The following MNAT1 variants were observed in gnomAD, a reference collection of about 807,000 sequenced individuals.
MNAT1 encodes MNAT1 component of CDK activating kinase.
MNAT1 carries 43 observed loss-of-function variants against 42.0 expected under a neutral mutation model. That is an observed-to-expected ratio of 1.02 (90% CI 0.80 to 1.32). The LOEUF (loss-of-function observed/expected upper bound fraction) is 1.32. MNAT1 is among the 40% of genes most tolerant of loss of function. The pLI, the probability that MNAT1 is intolerant of heterozygous loss-of-function variation, is 0.00. For synonymous variants in MNAT1, 118 were observed against 120.0 expected, an observed-to-expected ratio of 0.98 and a Z score of 0.11; for missense variants, 306 against 350.4, an observed-to-expected ratio of 0.87 and a Z score of 1.01.
intron 1 of MNAT1, among the ~76,000 whole-genome samples, chr14:60,735,635 A>T (rs981108340): frequency 1.3e-5 from 2 of 152,238 alleles, no homozygotes; most frequent in Non-Finnish European, 2.9e-5. Context: ...GGAAATCGAG[A>T]CTGCTCAAGG....
chr14:60,775,669 CAG>C (rs933359605), intron 1 of MNAT1, among the ~76,000 whole-genome samples: 2 of 152,008 alleles, frequency 1.3e-5, no homozygotes, highest in Non-Finnish European at 2.9e-5. Context: ...TAGATAACAA[CAG>C]AGATATTTTT....
At chr14:60,938,065 C>T (rs937584956) in intron 7 of MNAT1, among the ~76,000 whole-genome samples, 3 of 152,128 alleles carry the variant, frequency 2.0e-5, no homozygotes, top group Non-Finnish European at 4.4e-5. Flanking sequence ...GTGATTTTTG[C>T]ACATTGATTT....
chr14:60,916,749 C>G (rs2035523921), intron 7 of MNAT1, among the ~76,000 whole-genome samples: 2 of 152,108 alleles, frequency 1.3e-5, no homozygotes, highest in East Asian at 1.9e-4. Flanking sequence ...CTCAGGAGTT[C>G]CAGATCAGAC....
At chr14:60,933,041 C>T (rs2035920238) in intron 7 of MNAT1, among the ~76,000 whole-genome samples, 1 of 151,902 alleles carries the variant, frequency 6.6e-6, no homozygotes, top group Non-Finnish European at 1.5e-5. Flanking sequence ...AGGTAACCTA[C>T]CTAACATTCT....
intron 6 of MNAT1, among the ~76,000 whole-genome samples, chr14:60,875,832 T>C (rs2034425240): frequency 6.6e-6 from 1 of 152,110 alleles, no homozygotes; most frequent in Admixed American, 6.6e-5. Flanking sequence ...TTGTCTTCCT[T>C]AAGTATTATC....
At chr14:60,854,143 C>T (rs1380450176) in intron 6 of MNAT1, among the ~76,000 whole-genome samples, 1 of 152,182 alleles carries the variant, frequency 6.6e-6, no homozygotes, top group Non-Finnish European at 1.5e-5. Context: ...TGTTTTTCAG[C>T]TCCATCATGT....
At chr14:60,845,194 A>G (rs2033651995) in intron 6 of MNAT1, among the ~76,000 whole-genome samples, 2 of 151,762 alleles carry the variant, frequency 1.3e-5, no homozygotes, top group Admixed American at 1.3e-4. Context: ...GTATGAAATT[A>G]ATGTTTTTTT....
intron 3 of MNAT1, among the ~76,000 whole-genome samples, chr14:60,805,389 A>G (rs890987149): frequency 1.3e-4 from 20 of 152,194 alleles, no homozygotes; most frequent in Admixed American, 1.2e-3. Context: ...GTTACAATCA[A>G]TGAACCTACA....
intron 7 of MNAT1, among the ~76,000 whole-genome samples, chr14:60,967,034 C>T (rs1461479303): frequency 1.3e-5 from 2 of 151,994 alleles, no homozygotes; most frequent in African/African-American, 4.8e-5. Context: ...TCCGCTTTCC[C>T]CTTTCGCCCT....
intron 6 of MNAT1, among the ~76,000 whole-genome samples, chr14:60,830,121 A>G (rs1021606316): frequency 2.6e-5 from 4 of 152,200 alleles, no homozygotes; most frequent in Non-Finnish European, 1.5e-5. Flanking sequence ...TGGAAGACTT[A>G]AATTAAACCT....
At chr14:60,863,059 T>TTAA (rs988217072) in intron 6 of MNAT1, among the ~76,000 whole-genome samples, 15 of 151,934 alleles carry the variant, frequency 9.9e-5, no homozygotes, top group African/African-American at 3.1e-4. Context: ...GATTCGAAAT[T>TTAA]TAACAACAAC....
intron 3 of MNAT1, among the ~76,000 whole-genome samples, chr14:60,807,442 T>A (rs528967576): frequency 6.6e-6 from 1 of 151,992 alleles, no homozygotes; most frequent in Non-Finnish European, 1.5e-5. Context: ...GGAGAAGGGG[T>A]GGAAGGGCTA....
intron 7 of MNAT1, among the ~76,000 whole-genome samples, chr14:60,903,872 T>TG (rs1566546076): frequency 1.3e-5 from 2 of 149,912 alleles, no homozygotes; most frequent in African/African-American, 2.4e-5. Flanking sequence ...TAAGTTTTTT[T>TG]TTTTTTTTTT....
intron 7 of MNAT1, among the ~76,000 whole-genome samples, chr14:60,909,838 T>C (rs1594859981): frequency 1.3e-5 from 2 of 151,854 alleles, no homozygotes; most frequent in Admixed American, 6.6e-5. Flanking sequence ...AACTTTAAAG[T>C]AGTTTTTTCC....
chr14:60,824,949 C>A (rs981428390), intron 6 of MNAT1, among the ~76,000 whole-genome samples: 1 of 151,406 alleles, frequency 6.6e-6, no homozygotes, highest in African/African-American at 2.4e-5. Flanking sequence ...GATCACTTAC[C>A]CCCACCCCAT....
At chr14:60,938,609 T>C (rs1421263447) in intron 7 of MNAT1, among the ~76,000 whole-genome samples, 3 of 152,202 alleles carry the variant, frequency 2.0e-5, no homozygotes, top group Non-Finnish European at 4.4e-5. Flanking sequence ...TGTTTTGATA[T>C]GCTGTGCTGC....
At chr14:60,777,654 T>C (rs1470651598) in intron 1 of MNAT1, among the ~76,000 whole-genome samples, 1 of 152,112 alleles carries the variant, frequency 6.6e-6, no homozygotes, top group African/African-American at 2.4e-5. Flanking sequence ...CATTCCATAA[T>C]ACATATTGGG....
chr14:60,831,284 CCAT>C (rs927716534), intron 6 of MNAT1, among the ~76,000 whole-genome samples: 1 of 151,910 alleles, frequency 6.6e-6, no homozygotes, highest in Admixed American at 6.6e-5. Flanking sequence ...ACCCATCAAC[CCAT>C]CATCTACATT....
intron 6 of MNAT1, among the ~76,000 whole-genome samples, chr14:60,835,228 T>C (rs2033357207): frequency 6.6e-6 from 1 of 152,168 alleles, no homozygotes; most frequent in Non-Finnish European, 1.5e-5. Flanking sequence ...TGTCTTTTAA[T>C]TGGGGCATTT....
Sources: gnomAD v4.1 joint callset for allele counts (sites outside exome capture counted in the v4.1 genomes callset) on GRCh38, gnomAD v4.1.1 for gene constraint, MANE v1.5 for transcripts, NCBI Gene and HGNC (gene_info 2026-07-23, HGNC 2026-07-21) for gene names.